Variants in RNF212B observed in about 807,000 individuals in gnomAD.
RNF212B encodes the protein ring finger protein 212B.
In RNF212B, 52 loss-of-function variants were observed where a neutral mutation model predicts 55.5. The observed-to-expected ratio is 0.94, with a 90% confidence interval of 0.75 to 1.18. The LOEUF is 1.18. RNF212B is among the 50% of genes most tolerant of loss of function. The pLI is 0.00. For missense variants in RNF212B, 289 were observed against 350.4 expected (o/e 0.82, Z 1.40); for synonymous variants, 99 against 121.4 (o/e 0.82, Z 1.21).
At chr14:23,188,927 TAATA>T (rs1877858735) in intron 1 of RNF212B, among the ~76,000 whole-genome samples, 1 of 152,228 alleles carries the variant, frequency 6.6e-6, no homozygotes. Flanking sequence ...CATTAATGCA[TAATA>T]AATAAAATAA....
At chr14:23,217,339 C>T (rs908195830) in intron 2 of RNF212B, among the ~76,000 whole-genome samples, 12 of 152,096 alleles carry the variant, frequency 7.9e-5, no homozygotes, top group African/African-American at 2.2e-4. Context: ...AGCTTAGCTG[C>T]ACTAGGACAT....
intron 2 of RNF212B, among the ~76,000 whole-genome samples, chr14:23,225,090 A>G (rs1167734435): frequency 6.6e-6 from 1 of 152,114 alleles, no homozygotes; most frequent in Non-Finnish European, 1.5e-5. Flanking sequence ...ACAAAAAAAA[A>G]ACACCTACAA....
In RNF212B at chr14:23,272,812, C is replaced by T. The variant is rs552524172; in HGVS notation, c.835-11C>T. On this transcript the variant is annotated splice_polypyrimidine_tract_variant and intron_variant, in intron 14 of 14. Coordinates refer to ENST00000430154, the MANE Select transcript of RNF212B (RefSeq NM_001282322.3). Reference sequence around the variant, plus strand: ...AAACACCCACATCTACCTTCTTGTCCTCTGCTGCAGACTCTCTACCAACAA... The same window carrying T: ...AAACACCCACATCTACCTTCTTGTCTTCTGCTGCAGACTCTCTACCAACAA... 2 of 1,543,410 alleles carry T rather than the reference C, an allele frequency of 1.3e-6. No individual in the cohort carries two copies. Among genetic ancestry groups the T allele is most frequent in the East Asian group, 4.9e-5 (2 of 40,896 alleles).
chr14:23,247,271 T>A (rs548983127), intron 4 of RNF212B, among the ~76,000 whole-genome samples: 1 of 152,246 alleles, frequency 6.6e-6, no homozygotes, highest in South Asian at 2.1e-4. Flanking sequence ...TTACATACCA[T>A]AAAATTTACC....
chr14:23,259,095 G>A (rs1028036137), intron 5 of RNF212B, among the ~76,000 whole-genome samples: 1 of 151,904 alleles, frequency 6.6e-6, no homozygotes, highest in Non-Finnish European at 1.5e-5. Flanking sequence ...GGGAGGCTGA[G>A]GCCAGAAGAT....
In RNF212B at chr14:23,232,678, T is replaced by C. The variant is rs560306554; in HGVS notation, c.-1-7667T>C. Reference sequence around the variant, plus strand: ...CCCCCACCAGGCCAGCCGCCCCGTCTGGGAGGGAGGTGGGGGGTCAGCCCC... The same window carrying C: ...CCCCCACCAGGCCAGCCGCCCCGTCCGGGAGGGAGGTGGGGGGTCAGCCCC... On this transcript the variant is annotated intron_variant, in intron 2 of 15. Coordinates refer to the RNF212B transcript ENST00000399910. Among the ~76,000 whole-genome samples, 1,110 of 138,514 alleles carry C rather than the reference T, an allele frequency of 8.0e-3. 19 individuals are homozygous for C. Among genetic ancestry groups the C allele is most frequent in the African/African-American group, 0.028 (1,043 of 37,098 alleles). 90.9% of individuals were successfully genotyped at this position (138,514 alleles called of 152,430 possible). A position where few individuals can be genotyped will look rare whatever the true frequency, so the allele number is the denominator to read the frequency against.
rs551631037 is a variant in RNF212B at position 23,262,759 on chromosome 14, T to C, written c.481+48T>C. On this transcript the variant is annotated intron_variant, in intron 8 of 14. Coordinates refer to ENST00000430154, the MANE Select transcript of RNF212B (RefSeq NM_001282322.3). Reference sequence around the variant, plus strand: ...ATATCTGTGTGAGATGAATATCCTTTCCTTATGTAGAAGATGGTTTCCTCT... The same window carrying C: ...ATATCTGTGTGAGATGAATATCCTTCCCTTATGTAGAAGATGGTTTCCTCT... The C allele has an allele frequency of 2.1e-4, 314 of 1,521,462 alleles. 4 individuals carry two copies. The Admixed American group carries it at 6.1e-3, about 30-fold the overall frequency. The allele number at this position is 1,521,462 out of a possible 1,614,324, so 94.2% of individuals were successfully genotyped here. A position where few individuals can be genotyped will look rare whatever the true frequency, so the allele number is the denominator to read the frequency against.
chr14:23,205,209 T>G (rs1879715251), intron 2 of RNF212B, among the ~76,000 whole-genome samples: 1 of 152,058 alleles, frequency 6.6e-6, no homozygotes, highest in Admixed American at 6.5e-5. Flanking sequence ...CTTTCTTTAC[T>G]TCTGTTTTTT....
chr14:23,236,854 T>C (rs777826269), upstream of RNF212B, among the ~76,000 whole-genome samples: 13 of 151,568 alleles, frequency 8.6e-5, no homozygotes, highest in Admixed American at 2.0e-4. Flanking sequence ...TAAGGGGATA[T>C]AAATTTCTGG....
intron 2 of RNF212B, among the ~76,000 whole-genome samples, chr14:23,210,207 G>A (rs1425776285): frequency 2.0e-5 from 3 of 152,086 alleles, no homozygotes; most frequent in African/African-American, 7.2e-5. Context: ...CATGATACAA[G>A]CATCAGACAA....
At chr14:23,252,043 G>T (rs759775121) in intron 4 of RNF212B, among the ~76,000 whole-genome samples, 1 of 149,792 alleles carries the variant, frequency 6.7e-6, no homozygotes, top group East Asian at 2.0e-4. Context: ...TGTCATTGGC[G>T]ATTGAACTCA....
intron 2 of RNF212B, among the ~76,000 whole-genome samples, chr14:23,197,855 C>G (rs1006512473): frequency 6.7e-6 from 1 of 149,850 alleles, no homozygotes; most frequent in Non-Finnish European, 1.5e-5. Flanking sequence ...AGAGAGTCAG[C>G]GAAGGGAGAT....
At chr14:23,198,983 A>G (rs1879013923) in intron 2 of RNF212B, among the ~76,000 whole-genome samples, 1 of 152,196 alleles carries the variant, frequency 6.6e-6, no homozygotes, top group Non-Finnish European at 1.5e-5. Flanking sequence ...AATATTACCT[A>G]GTGCTATACC....
chr14:23,244,205 A>G (rs180698546), intron 3 of RNF212B, 117 bp from the exon 4 acceptor site: 2 of 555,038 alleles, frequency 3.6e-6, no homozygotes, highest in Admixed American at 3.6e-5. Flanking sequence ...CCTTTTACAC[A>G]CAGTGGAGAT....
At chr14:23,238,089 C>T (rs1045860348) in intron 1 of RNF212B, among the ~76,000 whole-genome samples, 34 bp downstream of exon 1, 2 of 152,176 alleles carry the variant, frequency 1.3e-5, no homozygotes, top group African/African-American at 4.8e-5. Flanking sequence ...AACTGAGAAG[C>T]TTGAGACGGC....
intron 7 of RNF212B, among the ~76,000 whole-genome samples, chr14:23,261,946 T>A (rs1699002183): frequency 6.6e-6 from 1 of 151,334 alleles, no homozygotes; most frequent in Non-Finnish European, 1.5e-5. Context: ...CCAGCCTGGG[T>A]GACAGAGTGG....
intron 2 of RNF212B, among the ~76,000 whole-genome samples, chr14:23,197,684 C>T (rs1050645618): frequency 6.6e-6 from 1 of 151,710 alleles, no homozygotes; most frequent in Non-Finnish European, 1.5e-5. Flanking sequence ...ATACAATGAA[C>T]TCTCATGTAT....
chr14:23,233,225 C>T, upstream of RNF212B, among the ~76,000 whole-genome samples: 1 of 152,068 alleles, frequency 6.6e-6, no homozygotes, highest in Non-Finnish European at 1.5e-5. Flanking sequence ...GGTTAAGAGT[C>T]ATCACCACTC....
intron 2 of RNF212B, among the ~76,000 whole-genome samples, chr14:23,206,739 C>T (rs1052737048): frequency 1.3e-5 from 2 of 152,086 alleles, no homozygotes; most frequent in African/African-American, 4.8e-5. Context: ...GAGGGAGACA[C>T]TTTTATTTTT....
Sources: allele counts gnomAD v4.1 joint callset (sites outside exome capture counted in the v4.1 genomes callset), GRCh38; gene constraint gnomAD v4.1.1; transcripts MANE v1.5; gene names NCBI Gene and HGNC (gene_info 2026-07-23, HGNC 2026-07-21).